DAB1: variants seen among roughly 807,000 people sequenced by gnomAD.
The protein encoded by DAB1 is disabled homolog 1.
A neutral mutation model predicts 64.6 loss-of-function variants in DAB1; 15 were observed. That is an observed-to-expected ratio of 0.23 (90% CI 0.16 to 0.36). The LOEUF is 0.36. Among genes scored for constraint, DAB1 ranks in the 10% least tolerant of loss-of-function variants. DAB1 has a pLI of 1.00. For synonymous variants in DAB1, 235 were observed against 251.9 expected (o/e 0.93, Z 0.64); for missense variants, 596 against 706.7 (o/e 0.84, Z 1.78).
At chr1:58,535,542 G>A (rs1224509334) in intron 1 of DAB1, among the ~76,000 whole-genome samples, 3 of 144,830 alleles carry the variant, frequency 2.1e-5, no homozygotes, top group South Asian at 2.1e-4. Context: ...GTTGCAGTGA[G>A]CCAAGATGGC....
intron 3 of DAB1, among the ~76,000 whole-genome samples, chr1:58,460,044 C>G (rs1038439741): frequency 1.3e-5 from 2 of 152,206 alleles, no homozygotes; most frequent in African/African-American, 4.8e-5. Flanking sequence ...TTATACTCCA[C>G]ATCTTGAAAG....
intron 7 of DAB1, among the ~76,000 whole-genome samples, chr1:57,441,916 T>A (rs1395339823): frequency 1.3e-5 from 2 of 152,232 alleles, no homozygotes; most frequent in Non-Finnish European, 2.9e-5. Flanking sequence ...GTATAAGTGT[T>A]CCCTTTACTC....
At chr1:57,878,696 A>T (rs963612794) in intron 1 of DAB1, 1 of 152,188 alleles carries the variant, frequency 6.6e-6, no homozygotes, top group African/African-American at 2.4e-5. Flanking sequence ...GAATGTTTAA[A>T]ATCCTTTCTA....
At chr1:57,142,597 G>GTC (rs1658705446) in intron 3 of DAB1, among the ~76,000 whole-genome samples, 1 of 56,584 alleles carries the variant, frequency 1.8e-5, no homozygotes, top group Admixed American at 2.4e-4. Flanking sequence ...TTCACTGCAG[G>GTC]TCACACACAC....
chr1:58,170,839 A>G (rs1656128627), intron 4 of DAB1, among the ~76,000 whole-genome samples: 1 of 152,252 alleles, frequency 6.6e-6, no homozygotes, highest in Admixed American at 6.5e-5. Context: ...AGGACTGAGG[A>G]TGCCCGGGGC....
rs748381538 is a variant in DAB1, at chr1:57,015,227, A to C, written c.1100T>G (p.Met367Arg). 1 of 1,614,074 alleles carries C rather than the reference A, an allele frequency of 6.2e-7. No homozygotes were observed. Among genetic ancestry groups the C allele is most frequent in the South Asian group, 1.1e-5 (1 of 91,064 alleles). The change falls in exon 12 of 15, where the codon ATG (methionine) becomes AGG (arginine). Residue 367 changes from methionine (M) to arginine (R), a missense_variant. Physicochemically the swap from Met to Arg is moderately conservative, Grantham distance 91. Around this residue, in one of 3 missense-constraint regions of DAB1, gnomAD observed 377 missense variants for 400.4 expected, o/e 0.94. Coordinates refer to ENST00000371236, the MANE Select transcript of DAB1 (RefSeq NM_001365792.1). ...VAGQFPPAAFMPTQTVMPLPA... is the reference protein window; with the variant it reads ...VAGQFPPAAFRPTQTVMPLPA... ...CAAAGGCATAACAGTTTGTGTGGGC[A>C]TGAAGGCGGCTGGCGGAAACTGCCC... is the stretch of plus-strand genomic sequence containing the variant.
At chr1:57,244,012 G>C (rs958567938) in intron 2 of DAB1, among the ~76,000 whole-genome samples, 1 of 152,014 alleles carries the variant, frequency 6.6e-6, no homozygotes, top group African/African-American at 2.4e-5. Flanking sequence ...CTTTATCTGT[G>C]TTATTTCCTC....
At chr1:58,409,604 G>T (rs1644648006) in intron 3 of DAB1, among the ~76,000 whole-genome samples, 1 of 152,204 alleles carries the variant, frequency 6.6e-6, no homozygotes, top group Non-Finnish European at 1.5e-5. Flanking sequence ...TTACACTGAT[G>T]ACTTCTACGT....
intron 5 of DAB1, among the ~76,000 whole-genome samples, chr1:57,986,261 A>G (rs1484714272): frequency 6.6e-6 from 1 of 152,096 alleles, no homozygotes; most frequent in Non-Finnish European, 1.5e-5. Context: ...AGGTGATGGT[A>G]TTGGAGGAGG....
At chr1:57,901,795 C>T (rs1487942356) in intron 5 of DAB1, among the ~76,000 whole-genome samples, 1 of 152,094 alleles carries the variant, frequency 6.6e-6, no homozygotes, top group African/African-American at 2.4e-5. Flanking sequence ...GAATCTGAGC[C>T]TGCAGAACCC....
chr1:57,564,334 G>GA (rs1434160392), intron 7 of DAB1, among the ~76,000 whole-genome samples: 4 of 152,120 alleles, frequency 2.6e-5, no homozygotes, highest in South Asian at 4.1e-4. Context: ...CAAAGATGGG[G>GA]AAAAAACAGA....
At chr1:58,512,545 T>C (rs1048049103) in intron 2 of DAB1, among the ~76,000 whole-genome samples, 24 of 152,262 alleles carry the variant, frequency 1.6e-4, no homozygotes, top group Middle Eastern at 6.8e-3. Context: ...GGTATAAACA[T>C]ACATCAAAAT....
chr1:58,433,183 C>T (rs1169974151), intron 3 of DAB1, among the ~76,000 whole-genome samples: 1 of 152,172 alleles, frequency 6.6e-6, no homozygotes, highest in East Asian at 1.9e-4. Context: ...CAGGATTGCA[C>T]ATTTGGTGGG....
At chr1:57,712,200 T>C (rs1367661860) in intron 6 of DAB1, among the ~76,000 whole-genome samples, 1 of 152,208 alleles carries the variant, frequency 6.6e-6, no homozygotes, top group African/African-American at 2.4e-5. Context: ...CGGTTCTGCT[T>C]AGCACATCAA....
chr1:58,453,815 A>T (rs1050326978), intron 3 of DAB1, among the ~76,000 whole-genome samples: 14 of 151,928 alleles, frequency 9.2e-5, no homozygotes, highest in Admixed American at 4.6e-4. Flanking sequence ...CTTCACAAAG[A>T]TCTCACAGAA....
At chr1:57,604,461 CAG>C (rs1228648218) in intron 7 of DAB1, among the ~76,000 whole-genome samples, 1 of 151,024 alleles carries the variant, frequency 6.6e-6, no homozygotes, top group Non-Finnish European at 1.5e-5. Flanking sequence ...ACAGGGGAAA[CAG>C]AGACAGTCAC....
chr1:57,043,204 T>C (rs1648023121), intron 9 of DAB1, among the ~76,000 whole-genome samples: 1 of 152,194 alleles, frequency 6.6e-6, no homozygotes, highest in African/African-American at 2.4e-5. Context: ...TTTTGGATTT[T>C]AGCAATTAGT....
chr1:57,426,035 G>A (rs1425017096), upstream of DAB1, among the ~76,000 whole-genome samples: 1 of 152,182 alleles, frequency 6.6e-6, no homozygotes, highest in Non-Finnish European at 1.5e-5. Context: ...GTAAAAAACT[G>A]TTATGATGGA....
At chr1:58,297,495 T>C (rs1436835533) in intron 4 of DAB1, among the ~76,000 whole-genome samples, 1 of 152,106 alleles carries the variant, frequency 6.6e-6, no homozygotes, top group Admixed American at 6.5e-5. Flanking sequence ...ACAGAGTGAG[T>C]GCTCAATGGT....
Sources: gnomAD v4.1 joint callset for allele counts (sites outside exome capture counted in the v4.1 genomes callset) on GRCh38, gnomAD v4.1.1 for gene constraint, gnomAD v4.1.1 regional missense constraint, MANE v1.5 for transcripts, NCBI Gene and HGNC (gene_info 2026-07-23, HGNC 2026-07-21) for gene names.